The following SLC45A3 variants were observed in gnomAD, a reference collection of about 807,000 sequenced individuals.
SLC45A3 encodes the protein solute carrier family 45 member 3.
Under a neutral mutation model 35.3 loss-of-function variants are expected in SLC45A3, and 17 were observed. That is an observed-to-expected ratio of 0.48 (90% CI 0.33 to 0.72). The LOEUF is 0.72. Among genes scored for constraint, SLC45A3 ranks in the 30% least tolerant of loss-of-function variants. The pLI is 0.02. For missense variants in SLC45A3, 597 were observed against 731.7 expected (o/e 0.82, Z 2.12); for synonymous variants, 288 against 334.3 (o/e 0.86, Z 1.51).
Position 205,663,080 on chromosome 1 carries a change from C to T in SLC45A3, c.711G>A (p.Leu237=), listed in dbSNP as rs757965831. 6.2e-7 allele frequency: 1 copy of T among 1,604,426 alleles called. No individual in the cohort carries two copies. Among genetic ancestry groups the T allele is most frequent in the Admixed American group, 1.7e-5 (1 of 59,420 alleles). The change falls in exon 3 of 5, where the codon TTG becomes TTA. Residue 237 remains leucine (L), a synonymous_variant. Coordinates refer to ENST00000367145, the MANE Select transcript of SLC45A3 (RefSeq NM_033102.3). The part of the protein sequence containing the change: ...EPAEGLSAPS[L]SPHCCPCRAR... Reference sequence around the variant, plus strand: ...CCCGGCATGGACAGCAGTGGGGCGACAAGGAGGGGGCCGACAGCCCTTCTG... The same window carrying T: ...CCCGGCATGGACAGCAGTGGGGCGATAAGGAGGGGGCCGACAGCCCTTCTG...
chr1:205,667,291 A>C (rs928940340), intron 1 of SLC45A3, among the ~76,000 whole-genome samples: 3 of 152,196 alleles, frequency 2.0e-5, no homozygotes, highest in African/African-American at 7.2e-5. Context: ...AAATTACCTG[A>C]GGTCAGGAGG....
chr1:205,664,341 G>T lies in SLC45A3; in HGVS notation c.172+144C>A. On this transcript the variant is annotated intron_variant, in intron 2 of 4. Coordinates refer to ENST00000367145, the MANE Select transcript of SLC45A3 (RefSeq NM_033102.3). This position sits in a 1 kb window ranked among gnomAD's most constrained non-coding sequence, Gnocchi z 5.3. ...TTCTTTCTCTTGGTGTGCCCCCTCA[G>T]CCCAGGGTCACCCTCCTGCCCAGCA... 9.4e-7 allele frequency: 1 copy of T among 1,066,856 alleles called. No homozygotes were observed. The highest frequency in any genetic ancestry group is 1.4e-6 in the Non-Finnish European group (1 of 723,098). The allele number at this position is 1,066,856 out of a possible 1,614,324, so 66.1% of individuals were successfully genotyped here.
intron 1 of SLC45A3, among the ~76,000 whole-genome samples, chr1:205,667,870 C>A (rs1021580694): frequency 1.3e-5 from 2 of 152,134 alleles, no homozygotes; most frequent in Non-Finnish European, 2.9e-5. Context: ...GAGTGCCCCC[C>A]ACCATCCTCC....
Position 205,663,259 on chromosome 1 carries a change from G to A in SLC45A3, c.532C>T (p.Leu178=), listed in dbSNP as rs779703490. The change falls in exon 3 of 5, where the codon CTG becomes TTG. Residue 178 remains leucine (L), a synonymous_variant. Transcript: ENST00000367145. ...CTGGTGTCCCAGTCAATGGCAGGCA[G>A]GAGGTAGCCCAGGCAGCCCCCAAGA... The part of the protein sequence containing the change: ...ISLGGCLGYL[L]PAIDWDTSAL... The A allele has an allele frequency of 1.2e-6, 2 of 1,613,650 alleles. No homozygotes were observed. The highest frequency in any genetic ancestry group is 1.7e-5 in the Admixed American group (1 of 60,038).
At position 205,670,366 on chromosome 1, in the gene SLC45A3, G is replaced by A. The variant is rs551703452; in HGVS notation, c.-230-5480C>T. 8.5e-5 allele frequency among the ~76,000 whole-genome samples: 13 copies of A among 152,292 alleles called. No individual in the cohort carries two copies. In the East Asian group the frequency reaches 2.5e-3, roughly 29 times the overall value. On this transcript the variant is annotated intron_variant, in intron 1 of 4. Coordinates refer to ENST00000367145, the MANE Select transcript of SLC45A3 (RefSeq NM_033102.3). ...GGGCCAAATATTTCCAAAGCAGTGA[G>A]GGTCTCTGCTTTCCCCAGTCTTGCC...
At chr1:205,679,614 G>A (rs1209181116) in intron 1 of SLC45A3, among the ~76,000 whole-genome samples, 2 of 151,944 alleles carry the variant, frequency 1.3e-5, no homozygotes, top group South Asian at 2.1e-4. Flanking sequence ...TGAGACCTGG[G>A]AGGCGAGGAG....
rs1671089616 is a variant in SLC45A3, at chr1:205,664,677, CTCAGGGGGCCGT to C, written c.-33_-22del. On this transcript the variant is annotated 5_prime_UTR_variant, in exon 2 of 5. Transcript: ENST00000367145. This position sits in a 1 kb window ranked among gnomAD's most constrained non-coding sequence, Gnocchi z 5.3. Reference sequence around the variant, plus strand: ...ACCATAGTGGGCCAGGCGGGTAGGGCTCAGGGGGCCGTTCAGGCACTCCAGAACTGCTTCGTC... The same window carrying C: ...ACCATAGTGGGCCAGGCGGGTAGGGCTCAGGCACTCCAGAACTGCTTCGTC... 1.2e-6 allele frequency: 2 copies of C among 1,612,292 alleles called. No homozygotes were observed. The highest frequency in any genetic ancestry group is 1.7e-5 in the Admixed American group (1 of 59,792).
chr1:205,679,226 ACAG>A (rs1671360987), intron 1 of SLC45A3, among the ~76,000 whole-genome samples: 1 of 152,026 alleles, frequency 6.6e-6, no homozygotes, highest in South Asian at 2.1e-4. Context: ...GGTCTGTGTA[ACAG>A]CTGAAGGGCG....
chr1:205,662,984 G>A lies in SLC45A3; in HGVS notation c.807C>T (p.Arg269=). 6.2e-7 allele frequency: 1 copy of A among 1,613,264 alleles called. No individual in the cohort carries two copies. The highest frequency in any genetic ancestry group is 8.5e-7 in the Non-Finnish European group (1 of 1,179,762). The change falls in exon 3 of 5, where the codon CGC becomes CGT. Residue 269 remains arginine, a synonymous_variant. Transcript: ENST00000367145. The surrounding 1 kb of genome is among the most constrained non-coding windows in gnomAD (Gnocchi z 6.2). ...RLHQLCCRMP[R]TLRRLFVAEL... ...CAGCCACGAAGAGCCGGCGCAGGGT[G>A]CGGGGCATGCGGCAGCACAGCTGGT... is the stretch of plus-strand genomic sequence containing the variant.
At chr1:205,670,086 CACTG>C (rs1329898244) in intron 1 of SLC45A3, among the ~76,000 whole-genome samples, 3 of 151,966 alleles carry the variant, frequency 2.0e-5, no homozygotes, top group Admixed American at 2.0e-4. Flanking sequence ...AAACCTGGCA[CACTG>C]ACTGCACTCC....
At position 205,657,873 on chromosome 1, in the gene SLC45A3, AT is replaced by A. The variant is rs1226215966; in HGVS notation, c.*1360del. The A allele has an allele frequency of 8.1e-5, 16 of 198,318 alleles. No homozygotes were observed. The Admixed American group carries it at 9.7e-4, about 12-fold the overall frequency. 12.3% of individuals were successfully genotyped at this position (198,318 alleles called of 1,614,324 possible). A position where few individuals can be genotyped will look rare whatever the true frequency, so the allele number is the denominator to read the frequency against. On this transcript the variant is annotated 3_prime_UTR_variant, in exon 5 of 5. Transcript: ENST00000367145. ...CAATAAACATATAAGAAAGCCTTTAATTTTGTCACCATAAACATTATACTCT... is the reference window on the plus strand; with the variant it reads ...CAATAAACATATAAGAAAGCCTTTAATTTGTCACCATAAACATTATACTCT...
chr1:205,678,330 ATCTT>A (rs1451853971), intron 1 of SLC45A3, among the ~76,000 whole-genome samples: 5 of 152,162 alleles, frequency 3.3e-5, no homozygotes, highest in African/African-American at 1.2e-4. Context: ...AAAAGAAACT[ATCTT>A]TCTGACAGTC....
chr1:205,669,390 A>G lies in SLC45A3; in HGVS notation c.-230-4504T>C, dbSNP rs1384015716. Among the ~76,000 whole-genome samples, 2 of 152,182 alleles carry G rather than the reference A, an allele frequency of 1.3e-5. No homozygotes were observed. The highest frequency in any genetic ancestry group is 1.5e-5 in the Non-Finnish European group (1 of 68,018). The stretch of plus-strand genomic sequence containing the variant: ...AGCTGACCCGAGCCCACTCCCTGGT[A>G]GCTCCCTAAGGGAAGGGAGGGTCAG... On this transcript the variant is annotated intron_variant, in intron 1 of 4. Coordinates refer to ENST00000367145, the MANE Select transcript of SLC45A3 (RefSeq NM_033102.3). The surrounding 1 kb of genome is among the most constrained non-coding windows in gnomAD (Gnocchi z 4.1).
chr1:205,661,349 TAGAC>T (rs908964910), intron 4 of SLC45A3, among the ~76,000 whole-genome samples: 4 of 151,998 alleles, frequency 2.6e-5, no homozygotes, highest in Admixed American at 6.5e-5. Flanking sequence ...AAAAGGGAAT[TAGAC>T]AGAAAAGAAA....
chr1:205,663,728 G>T, intron 2 of SLC45A3, 110 bp from the exon 3 acceptor site: 1 of 1,098,300 alleles, frequency 9.1e-7, no homozygotes, highest in Non-Finnish European at 1.3e-6. Context: ...ACTCGACACT[G>T]TGCTACGTCT....
In SLC45A3 at chr1:205,664,928, C is replaced by A; in HGVS notation, c.-230-42G>T. On this transcript the variant is annotated intron_variant, in intron 1 of 4. Transcript: ENST00000367145. This position sits in a 1 kb window ranked among gnomAD's most constrained non-coding sequence, Gnocchi z 5.3. ...ATCACAAGCACACGGGGTGTTAAGT[C>A]CTGGGAGCCAGGTCTCCACGATTTG... is the stretch of plus-strand genomic sequence containing the variant. 1 of 1,289,492 alleles carries A rather than the reference C, an allele frequency of 7.8e-7. No individual in the cohort carries two copies. The highest frequency in any genetic ancestry group is 9.8e-7 in the Non-Finnish European group (1 of 1,018,564). The allele number at this position is 1,289,492 out of a possible 1,614,324, so 79.9% of individuals were successfully genotyped here.
chr1:205,659,001 C>T lies in SLC45A3; in HGVS notation c.*233G>A. The T allele has an allele frequency of 1.8e-6, 1 of 549,872 alleles. No individual in the cohort carries two copies. Among genetic ancestry groups the T allele is most frequent in the South Asian group, 2.3e-5 (1 of 44,174 alleles). 34.1% of individuals were successfully genotyped at this position (549,872 alleles called of 1,614,324 possible). A position where few individuals can be genotyped will look rare whatever the true frequency, so the allele number is the denominator to read the frequency against. ...CCTGTATAAGTCCAGACTGAAACCC[C>T]CTTGGAAGGCCTCCAGTCAGGCAGC... On this transcript the variant is annotated 3_prime_UTR_variant, in exon 5 of 5. Coordinates refer to ENST00000367145, the MANE Select transcript of SLC45A3 (RefSeq NM_033102.3). This position sits in a 1 kb window ranked among gnomAD's most constrained non-coding sequence, Gnocchi z 5.8.
rs1277161861 is a variant in SLC45A3 at position 205,658,882 on chromosome 1, T to A, written c.*352A>T. ...CAGCTCCCAAAAACCCTTCTCTAGG[T>A]GTGTCTCAACTAGGAGGCTAGCTGT... is the stretch of plus-strand genomic sequence containing the variant. On this transcript the variant is annotated 3_prime_UTR_variant, in exon 5 of 5. Transcript: ENST00000367145. 6.8e-6 allele frequency: 2 copies of A among 292,508 alleles called. No homozygotes were observed. The highest frequency in any genetic ancestry group is 1.3e-5 in the Non-Finnish European group (2 of 155,122). 18.1% of individuals were successfully genotyped at this position (292,508 alleles called of 1,614,324 possible). A position where few individuals can be genotyped will look rare whatever the true frequency, so the allele number is the denominator to read the frequency against.
intron 1 of SLC45A3, among the ~76,000 whole-genome samples, chr1:205,667,528 T>TA (rs5780292): frequency 0.064 from 9,701 of 151,518 alleles, 327 homozygotes; most frequent in South Asian, 0.15. Context: ...ATACATAAGA[T>TA]AAAAAATAAA....
Sources: gnomAD v4.1 joint callset for allele counts (sites outside exome capture counted in the v4.1 genomes callset) on GRCh38, gnomAD v4.1.1 for gene constraint, Gnocchi (gnomAD v3.1) non-coding constraint, MANE v1.5 for transcripts, NCBI Gene and HGNC (gene_info 2026-07-23, HGNC 2026-07-21) for gene names.